Variants in ATG2A observed in about 807,000 individuals in gnomAD.
The protein encoded by ATG2A is autophagy related 2A, also known as autophagy-related protein 2 homolog A.
A neutral mutation model predicts 214.2 loss-of-function variants in ATG2A; 103 were observed. That is an observed-to-expected ratio of 0.48 (90% CI 0.41 to 0.57). The LOEUF (loss-of-function observed/expected upper bound fraction) is 0.57, where lower values mean the gene tolerates loss of function less well. Ranked by LOEUF, ATG2A falls within the 20% of genes least tolerant of loss-of-function variation. The pLI is 0.00. For missense variants in ATG2A, 2,312 were observed against 2,613.2 expected (o/e 0.88, Z 2.51); for synonymous variants, 1,160 against 1,142.1 (o/e 1.02, Z -0.32).
In ATG2A at chr11:64,910,698, A is replaced by G; in HGVS notation, c.1625T>C (p.Phe542Ser). The change falls in exon 12 of 41, where the codon TTT (phenylalanine) becomes TCT (serine). Residue 542 changes from phenylalanine (F) to serine (S), a missense_variant. Physicochemically the swap from Phe to Ser is radical, Grantham distance 155. Transcript: ENST00000377264. ...GGCCTGGGAGCCCAGCGTACCAGGA[A>G]AGGTCAGGATCTGGGATGGGACCCG... ...SEPEYTEILT[F>S]PGTLGSQASA... The G allele has an allele frequency of 6.2e-7, 1 of 1,610,496 alleles. No homozygotes were observed. The highest frequency in any genetic ancestry group is 8.5e-7 in the Non-Finnish European group (1 of 1,178,608).
chr11:64,897,663 C>A lies in ATG2A; in HGVS notation c.5067+8G>T. ...CACATGGCCACCCCATCCGACCGCC[C>A]CACTTACCACCTGGTCCATCGTGAC... On this transcript the variant is annotated splice_region_variant and intron_variant, in intron 36 of 40. Transcript: ENST00000377264. 1 of 1,614,226 alleles carries A rather than the reference C, an allele frequency of 6.2e-7. No individual in the cohort carries two copies. The highest frequency in any genetic ancestry group is 8.5e-7 in the Non-Finnish European group (1 of 1,180,038).
At chr11:64,906,627 C>T in intron 20 of ATG2A, 38 bp downstream of exon 20, 3 of 1,611,514 alleles carry the variant, frequency 1.9e-6, no homozygotes, top group Non-Finnish European at 2.5e-6. Flanking sequence ...CACCCCCAAC[C>T]CTGGACCCCA....
chr11:64,911,252 G>C lies in ATG2A; in HGVS notation c.1252C>G (p.Leu418Val). The C allele has an allele frequency of 6.2e-7, 1 of 1,613,882 alleles. No homozygotes were observed. Among genetic ancestry groups the C allele is most frequent in the Non-Finnish European group, 8.5e-7 (1 of 1,180,030 alleles). The change falls in exon 10 of 41, where the codon CTG becomes GTG. Residue 418 changes from leucine (L) to valine (V), a missense_variant. Coordinates refer to ENST00000377264, the MANE Select transcript of ATG2A (RefSeq NM_015104.3). ...PAGKMAPNPL[L>V]DTMRPDSLLK... The stretch of plus-strand genomic sequence containing the variant: ...AGCGAGTCAGGGCGCATGGTGTCCA[G>C]GAGGGGGTTGGGGGCCATCTTGCCT...
chr11:64,913,984 C>G lies in ATG2A; in HGVS notation c.488-61G>C. 1 of 1,586,710 alleles carries G rather than the reference C, an allele frequency of 6.3e-7. No individual in the cohort carries two copies. The highest frequency in any genetic ancestry group is 1.1e-5 in the South Asian group (1 of 88,364). ...GCAGCAAAGGGGAGGCAGAATTTCC[C>G]ATCTGGGCACCAGGGTGGCCGTGCC... is the stretch of plus-strand genomic sequence containing the variant. On this transcript the variant is annotated intron_variant, in intron 3 of 40. Coordinates refer to ENST00000377264, the MANE Select transcript of ATG2A (RefSeq NM_015104.3). The surrounding 1 kb of genome is among the most constrained non-coding windows in gnomAD (Gnocchi z 4.3).
At chr11:64,904,828 C>CAGATAGATAGATAGATAGATAGATAGA (rs1944483904) in intron 24 of ATG2A, among the ~76,000 whole-genome samples, 1 of 141,240 alleles carries the variant, frequency 7.1e-6, no homozygotes, top group Admixed American at 6.8e-5. Context: ...ATCTATCTAT[C>CAGATAGATAGATAGATAGATAGATAGA]TATCTATCTA....
At chr11:64,908,168 A>G (rs548277272) in intron 16 of ATG2A, among the ~76,000 whole-genome samples, 87 of 152,304 alleles carry the variant, frequency 5.7e-4, no homozygotes, top group African/African-American at 2.1e-3. Context: ...CTGTAATCCT[A>G]GCACTTTGGG....
chr11:64,913,896 AG>A lies in ATG2A; in HGVS notation c.514del (p.Leu172TrpfsTer5). On this transcript the variant is annotated frameshift_variant, in exon 4 of 41. Transcript: ENST00000377264. LOFTEE classifies it high-confidence loss of function. This position sits in a 1 kb window ranked among gnomAD's most constrained non-coding sequence, Gnocchi z 4.3. ...TVLRRIKVTF[L>X]DTVVRVEHSP... Reference sequence around the variant, plus strand: ...GTGCTCCACCCTCACGACAGTGTCCAGGAAGGTCACTTTGATCCTCCGAAGC... The same window carrying A: ...GTGCTCCACCCTCACGACAGTGTCCAGAAGGTCACTTTGATCCTCCGAAGC... 1 of 1,614,028 alleles carries A rather than the reference AG, an allele frequency of 6.2e-7. No individual in the cohort carries two copies. Among genetic ancestry groups the A allele is most frequent in the Non-Finnish European group, 8.5e-7 (1 of 1,179,998 alleles).
In ATG2A at chr11:64,898,318, A is replaced by G; in HGVS notation, c.4716T>C (p.Gly1572=). ...ALHVAPTTNL[G]GPECCLRVSL... The stretch of plus-strand genomic sequence containing the variant: ...AGACGCGGAGACAGCACTCAGGCCC[A>G]CCCAGGTTGGTAGTGGGGGCCACAT... Residue 1572 remains glycine, a synonymous_variant, in exon 33 of 41, where the codon GGT becomes GGC. Transcript: ENST00000377264. This position sits in a 1 kb window ranked among gnomAD's most constrained non-coding sequence, Gnocchi z 4.5. 1.9e-6 allele frequency: 3 copies of G among 1,611,774 alleles called. No homozygotes were observed. Among genetic ancestry groups the G allele is most frequent in the Non-Finnish European group, 2.5e-6 (3 of 1,179,268 alleles).
chr11:64,909,562 G>C, intron 14 of ATG2A, 119 bp downstream of exon 14: 2 of 1,513,364 alleles, frequency 1.3e-6, no homozygotes, highest in African/African-American at 2.7e-5. Context: ...CCCAAGAGCT[G>C]GTAAAGGCCT....
At position 64,913,410 on chromosome 11, in the gene ATG2A, T is replaced by C. The variant is rs1590659812; in HGVS notation, c.591-9A>G. ...CATCACAGTACTCCAGTCTGGAGAG[T>C]GTAGGGTCAGCCCGTGCCCTGGCCA... On this transcript the variant is annotated splice_polypyrimidine_tract_variant and intron_variant, in intron 4 of 40. Coordinates refer to ENST00000377264, the MANE Select transcript of ATG2A (RefSeq NM_015104.3). The surrounding 1 kb of genome is among the most constrained non-coding windows in gnomAD (Gnocchi z 4.3). 8 of 1,571,986 alleles carry C rather than the reference T, an allele frequency of 5.1e-6. No individual in the cohort carries two copies. Among genetic ancestry groups the C allele is most frequent in the East Asian group, 2.3e-5 (1 of 43,286 alleles).
chr11:64,917,187 C>T lies in ATG2A; in HGVS notation c.-52G>A, dbSNP rs1945022371. 1.3e-6 allele frequency: 2 copies of T among 1,539,562 alleles called. No individual in the cohort carries two copies. The highest frequency in any genetic ancestry group is 1.8e-6 in the Non-Finnish European group (2 of 1,141,100). Reference sequence around the variant, plus strand: ...CTCCGCTTGCCGCCCGCCGGCGATCCCCGTCCGGCTCCGCTGTTCACTAGA... The same window carrying T: ...CTCCGCTTGCCGCCCGCCGGCGATCTCCGTCCGGCTCCGCTGTTCACTAGA... On this transcript the variant is annotated 5_prime_UTR_variant, in exon 1 of 41. Coordinates refer to ENST00000377264, the MANE Select transcript of ATG2A (RefSeq NM_015104.3).
rs764844236 is a variant in ATG2A, at chr11:64,907,857, T to C, written c.2398A>G (p.Thr800Ala). The change falls in exon 17 of 41, where the codon ACG becomes GCG. Residue 800 changes from threonine to alanine, a missense_variant. Transcript: ENST00000377264. ...AGTGCCAGGGTCCGGCTCTGGAACG[T>C]CCTCATCTCCTCAGGGTCTCCAGGG... ...VIPGDPEEMRTFQSRTLALSR... is the reference protein window; with the variant it reads ...VIPGDPEEMRAFQSRTLALSR... 6.2e-7 allele frequency: 1 copy of C among 1,612,966 alleles called. No homozygotes were observed. Among genetic ancestry groups the C allele is most frequent in the South Asian group, 1.1e-5 (1 of 90,836 alleles).
chr11:64,902,349 G>T lies in ATG2A; in HGVS notation c.3815C>A (p.Pro1272Gln). The T allele has an allele frequency of 3.1e-6, 5 of 1,603,094 alleles. No individual in the cohort carries two copies. The South Asian group carries it at 3.3e-5, about 11-fold the overall frequency. The stretch of plus-strand genomic sequence containing the variant: ...CTGGTTGATGAGGGCCGTCTCCACT[G>T]GGGGGCACGAGGGCAGAGAGGCAGG... ...ESPASLPSCPPVETALINQRD... is the reference protein window; with the variant it reads ...ESPASLPSCPQVETALINQRD... The change falls in exon 28 of 41, where the codon CCA becomes CAA. Residue 1272 changes from proline (P) to glutamine (Q), a missense_variant. Pro to Gln is a moderately conservative substitution (Grantham distance 76). Coordinates refer to ENST00000377264, the MANE Select transcript of ATG2A (RefSeq NM_015104.3).
In ATG2A at chr11:64,896,585, G is replaced by A. The variant is rs771677274; in HGVS notation, c.5304C>T (p.Pro1768=). 4.3e-6 allele frequency: 7 copies of A among 1,613,858 alleles called. No homozygotes were observed. Among genetic ancestry groups the A allele is most frequent in the Admixed American group, 3.3e-5 (2 of 60,006 alleles). ...FQGFRDLLWL[P]IEQYRKDGRL... is the part of the protein sequence containing the mutation. Reference sequence around the variant, plus strand: ...GGCCATCCTTCCTGTACTGCTCAATGGGCAGCCACAGCAGGTCCCGGAACC... The same window carrying A: ...GGCCATCCTTCCTGTACTGCTCAATAGGCAGCCACAGCAGGTCCCGGAACC... Residue 1768 remains proline (P), a synonymous_variant, in exon 39 of 41, where the codon CCC becomes CCT. Coordinates refer to ENST00000377264, the MANE Select transcript of ATG2A (RefSeq NM_015104.3).
At chr11:64,910,552 C>T (rs1256880843) in intron 12 of ATG2A, 64 bp downstream of exon 12, 5 of 1,527,664 alleles carry the variant, frequency 3.3e-6, no homozygotes, top group Non-Finnish European at 4.4e-6. Flanking sequence ...GAGGCCCTGG[C>T]AGAGGCCAGG....
Position 64,911,941 on chromosome 11 carries a change from A to G in ATG2A, c.1129T>C (p.Ser377Pro). 1 of 1,613,726 alleles carries G rather than the reference A, an allele frequency of 6.2e-7. No homozygotes were observed. The highest frequency in any genetic ancestry group is 8.5e-7 in the Non-Finnish European group (1 of 1,179,804). The change falls in exon 9 of 41, where the codon TCA (serine) becomes CCA (proline). Residue 377 changes from serine (S) to proline (P), a missense_variant. By Grantham distance (74) the Ser-to-Pro change is moderately conservative. Transcript: ENST00000377264. ...GAGAGGGAGAGCTCAGAGAGGGCTG[A>G]GGCCACACTGCTTGTGAGGCCAGCC... ...SMAGLTSSVA[S>P]ALSELSLSDV... is the part of the protein sequence containing the mutation.
intron 19 of ATG2A, 117 bp from the exon 20 acceptor site, chr11:64,906,932 T>A: frequency 8.0e-7 from 1 of 1,246,784 alleles, no homozygotes; most frequent in Non-Finnish European, 1.1e-6. Flanking sequence ...GTTTCCACCA[T>A]GGACGCTGCT....
Position 64,917,119 on chromosome 11 carries a change from C to T in ATG2A, c.17G>A (p.Trp6Ter). 1.2e-6 allele frequency: 2 copies of T among 1,609,870 alleles called. No individual in the cohort carries two copies. Among genetic ancestry groups the T allele is most frequent in the Non-Finnish European group, 8.5e-7 (1 of 1,178,558 alleles). MSRWL[W>*]PWSNCVKERV... ...CTCTTTCACACAGTTTGACCATGGC[C>T]ACAGCCATCGTGACATCTCGGAGAC... Residue 6 changes from tryptophan to a stop codon, truncating the protein, a stop_gained, in exon 1 of 41, where the codon TGG becomes TAG. Transcript: ENST00000377264. LOFTEE classifies it high-confidence loss of function.
Position 64,903,560 on chromosome 11 carries a change from G to A in ATG2A, c.3535+30C>T, listed in dbSNP as rs1944434139. The A allele has an allele frequency of 6.5e-7, 1 of 1,532,014 alleles. No homozygotes were observed. The highest frequency in any genetic ancestry group is 2.0e-5 in the Admixed American group (1 of 49,930). The allele number at this position is 1,532,014 out of a possible 1,614,324, so 94.9% of individuals were successfully genotyped here. The stretch of plus-strand genomic sequence containing the variant: ...TGGCCGGGGCGGTGGTCCCTCAGAG[G>A]GGAGGGAGCCCAGTCCCGGCCCTGC... On this transcript the variant is annotated intron_variant, in intron 25 of 40. Transcript: ENST00000377264. This position sits in a 1 kb window ranked among gnomAD's most constrained non-coding sequence, Gnocchi z 4.2.
Sources: gnomAD v4.1 joint callset for allele counts (sites outside exome capture counted in the v4.1 genomes callset) on GRCh38, gnomAD v4.1.1 for gene constraint, Gnocchi (gnomAD v3.1) non-coding constraint, MANE v1.5 for transcripts, NCBI Gene and HGNC (gene_info 2026-07-23, HGNC 2026-07-21) for gene names.